LAMA5: variants seen among roughly 807,000 people sequenced by gnomAD.
LAMA5 encodes laminin subunit alpha-5.
LAMA5 carries 260 observed loss-of-function variants against 433.4 expected under a neutral mutation model. The observed-to-expected ratio is 0.60, with a 90% confidence interval of 0.54 to 0.66. The LOEUF (loss-of-function observed/expected upper bound fraction) is 0.66, where lower values mean the gene tolerates loss of function less well. Ranked by LOEUF, LAMA5 falls within the 30% of genes least tolerant of loss-of-function variation. The pLI is 0.00. For synonymous variants in LAMA5, 2,620 were observed against 2,226.6 expected (o/e 1.18, Z -4.97); for missense variants, 5,378 against 5,258.5 (o/e 1.02, Z -0.70).
chr20:62,321,879 G>A, intron 48 of LAMA5, 140 bp downstream of exon 48: 1 of 825,652 alleles, frequency 1.2e-6, no homozygotes, highest in South Asian at 1.5e-5. Context: ...GTTGGAGTTG[G>A]ACAGGCATGG....
chr20:62,319,841 T>G (rs2146099516), intron 50 of LAMA5, 46 bp from the exon 51 acceptor site: 3 of 1,468,298 alleles, frequency 2.0e-6, no homozygotes, highest in Non-Finnish European at 2.8e-6. Flanking sequence ...TAGGCGAGGG[T>G]CGGGGTGGCA....
chr20:62,348,331 G>A (rs758295642), intron 6 of LAMA5, among the ~76,000 whole-genome samples: 3 of 152,232 alleles, frequency 2.0e-5, no homozygotes, highest in Non-Finnish European at 4.4e-5. Flanking sequence ...TAGGCCGGGC[G>A]CAGTGGCTCA....
At chr20:62,364,801 G>T (rs1230132180) in intron 1 of LAMA5, among the ~76,000 whole-genome samples, 3 of 152,230 alleles carry the variant, frequency 2.0e-5, no homozygotes, top group Non-Finnish European at 2.9e-5. Context: ...CAGCTAATGT[G>T]CATCTCCTAC....
intron 28 of LAMA5, 89 bp downstream of exon 28, chr20:62,332,283 G>A: frequency 1.1e-6 from 1 of 936,808 alleles, no homozygotes; most frequent in Non-Finnish European, 1.7e-6. Flanking sequence ...GGGGACCTGG[G>A]ACCCCAACTG....
At chr20:62,345,264 A>C (rs1983170300) in intron 11 of LAMA5, 2 of 152,038 alleles carry the variant, frequency 1.3e-5, no homozygotes, top group African/African-American at 4.9e-5. Context: ...TGGCCTCCTG[A>C]AGTGCTGGGA....
chr20:62,311,869 G>A, intron 70 of LAMA5, 51 bp downstream of exon 70: 1 of 1,563,008 alleles, frequency 6.4e-7, no homozygotes. Flanking sequence ...GGCAAGTGCA[G>A]GCGGGCGTCC....
rs376099718 is a variant in LAMA5 at position 62,330,542 on chromosome 20, C to T, written c.3925G>A (p.Ala1309Thr). The T allele has an allele frequency of 1.9e-6, 3 of 1,583,338 alleles. No homozygotes were observed. The highest frequency in any genetic ancestry group is 2.6e-6 in the Non-Finnish European group (3 of 1,166,164). Reference protein sequence around the residue: ...YAFLLHGYQPAHPTFPVEVLI... With the variant: ...YAFLLHGYQPTHPTFPVEVLI... ...ACTTCCACGGGGAAGGTGGGGTGGG[C>T]TGGCTGGTAGCCGTGCAGCAGGAAG... is the stretch of plus-strand genomic sequence containing the variant. The change falls in exon 31 of 80, where the codon GCC becomes ACC. Residue 1309 changes from alanine (A) to threonine (T), a missense_variant. Transcript: ENST00000252999.
intron 3 of LAMA5, 80 bp downstream of exon 3, chr20:62,353,054 C>T: frequency 9.5e-7 from 1 of 1,057,886 alleles, no homozygotes; most frequent in Non-Finnish European, 1.4e-6. Flanking sequence ...ATTCGGAGAC[C>T]TTCAGAAGCC....
At position 62,338,269 on chromosome 20, in the gene LAMA5, G is replaced by A. The variant is rs1344046313; in HGVS notation, c.1719C>T (p.Arg573=). Residue 573 remains arginine, a synonymous_variant, in exon 13 of 80, where the codon CGC becomes CGT. Transcript: ENST00000252999. ...RVGFEGATCD[R]CAPGYFHFPL... ...GGAAGTGAAAGTAGCCGGGGGCACA[G>A]CGATCACATGTGGCCCCCTCGAAGC... 6.2e-7 allele frequency: 1 copy of A among 1,601,348 alleles called. No individual in the cohort carries two copies. The highest frequency in any genetic ancestry group is 8.5e-7 in the Non-Finnish European group (1 of 1,173,534).
rs1981877049 is a variant in LAMA5, at chr20:62,337,580, G to C, written c.2164+10C>G. 6.3e-7 allele frequency: 1 copy of C among 1,594,460 alleles called. No homozygotes were observed. ...CGGCACCTGGTGCACACAGCCACCTGCCTGCTCACCTTCGCAGTAGGGGAA... is the reference window on the plus strand; with the variant it reads ...CGGCACCTGGTGCACACAGCCACCTCCCTGCTCACCTTCGCAGTAGGGGAA... On this transcript the variant is annotated intron_variant, in intron 16 of 79. Coordinates refer to ENST00000252999, the MANE Select transcript of LAMA5 (RefSeq NM_005560.6).
intron 2 of LAMA5, among the ~76,000 whole-genome samples, chr20:62,356,751 T>C (rs931990487): frequency 6.6e-6 from 1 of 152,096 alleles, no homozygotes; most frequent in African/African-American, 2.4e-5. Context: ...CACTTCCCCT[T>C]CCTGGGCACA....
chr20:62,362,338 G>A, intron 2 of LAMA5, 62 bp downstream of exon 2: 1 of 1,379,512 alleles, frequency 7.2e-7, no homozygotes, highest in Non-Finnish European at 9.5e-7. Flanking sequence ...TGTGGCCCAA[G>A]GTAGGCCCGA....
rs76706776 is a variant in LAMA5, at chr20:62,322,505, C to G, written c.6166-56G>C. On this transcript the variant is annotated intron_variant, in intron 46 of 79. Coordinates refer to ENST00000252999, the MANE Select transcript of LAMA5 (RefSeq NM_005560.6). ...AGCCCTCAAGACTGTCCCAGACCAA[C>G]CTGGAAGCCAGGGGTCCTGCCCATC... 0.2 allele frequency: 309,980 copies of G among 1,522,442 alleles called. 33,016 individuals are homozygous for G. Among genetic ancestry groups the G allele is most frequent in the Non-Finnish European group, 0.22 (247,220 of 1,130,848 alleles). 94.3% of individuals were successfully genotyped at this position (1,522,442 alleles called of 1,614,324 possible).
chr20:62,346,032 A>G (rs1428734022), intron 10 of LAMA5, 49 bp downstream of exon 10: 1 of 1,607,032 alleles, frequency 6.2e-7, no homozygotes, highest in Admixed American at 1.7e-5. Context: ...GGGCTCCCGG[A>G]GTCCAGCAGG....
At chr20:62,328,100 C>A (rs376235994) in intron 35 of LAMA5, 90 bp from the exon 36 acceptor site, 4 of 1,566,822 alleles carry the variant, frequency 2.6e-6, no homozygotes, top group Non-Finnish European at 1.7e-6. Flanking sequence ...CAGGCAGCAT[C>A]CTCCCAGAAG....
Position 62,310,566 on chromosome 20 carries a change from C to T in LAMA5, c.10453G>A (p.Val3485Ile), listed in dbSNP as rs200907939. 442 of 1,548,342 alleles carry T rather than the reference C, an allele frequency of 2.9e-4. No individual in the cohort carries two copies. In the African/African-American group the frequency reaches 5.2e-3, roughly 18 times the overall value. Residue 3485 changes from valine (V) to isoleucine (I), a missense_variant, in exon 76 of 80, where the codon GTC (valine) becomes ATC (isoleucine). By Grantham distance (29) the Val-to-Ile change is conservative. Coordinates refer to ENST00000252999, the MANE Select transcript of LAMA5 (RefSeq NM_005560.6). ...SSHSSKLPVT[V>I]GFSGCVKRLR... ...CTCTTCACACAGCCGCTGAACCCGA[C>T]GGTCACCTATAGGAGCAGACCGGGC...
At position 62,360,461 on chromosome 20, in the gene LAMA5, G is replaced by GA. The variant is rs1985909611; in HGVS notation, c.450+1938_450+1939insT. Among the ~76,000 whole-genome samples the GA allele has an allele frequency of 3.2e-3, 2 of 622 alleles. 1 individual carries two copies. The highest frequency in any genetic ancestry group is 0.025 in the Admixed American group (2 of 80). The allele number at this position is 622 out of a possible 152,430, so 0.4% of individuals were successfully genotyped here. A position where few individuals can be genotyped will look rare whatever the true frequency, so the allele number is the denominator to read the frequency against. ...AGTGGGTGGGTGGAGGGATAGATGG[G>GA]TGGTGGGTGGGTGGAGGGATAGATG... On this transcript the variant is annotated intron_variant, in intron 2 of 79. Transcript: ENST00000252999.
At chr20:62,332,063 A>G (rs1253537168) in intron 28 of LAMA5, among the ~76,000 whole-genome samples, 5 of 151,800 alleles carry the variant, frequency 3.3e-5, no homozygotes, top group Admixed American at 2.6e-4. Flanking sequence ...AAAAAAAAAA[A>G]AAAGAAAAGA....
At chr20:62,326,440 C>G in intron 40 of LAMA5, 1 of 507,224 alleles carries the variant, frequency 2.0e-6, no homozygotes, top group East Asian at 3.2e-5. Flanking sequence ...CTGCTCACCC[C>G]TCAGGGATCA....
Sources: allele counts gnomAD v4.1 joint callset (sites outside exome capture counted in the v4.1 genomes callset), GRCh38; gene constraint gnomAD v4.1.1; transcripts MANE v1.5; gene names NCBI Gene and HGNC (gene_info 2026-07-23, HGNC 2026-07-21).